Variants in ADAM22 observed in about 807,000 individuals in gnomAD.
The protein encoded by ADAM22 is ADAM metallopeptidase domain 22.
Under a neutral mutation model 144.6 loss-of-function variants are expected in ADAM22, and 65 were observed. The ratio of observed to expected loss-of-function variants is 0.45; its 90% CI spans 0.37 to 0.55. The LOEUF is 0.55. Ranked by LOEUF, ADAM22 falls within the 20% of genes least tolerant of loss-of-function variation. The pLI is 0.00. For missense variants in ADAM22, 974 were observed against 1,184.9 expected (o/e 0.82, Z 2.61); for synonymous variants, 391 against 412.6 (o/e 0.95, Z 0.63).
At chr7:87,981,850 T>C (rs1394387269) in intron 3 of ADAM22, among the ~76,000 whole-genome samples, 1 of 139,500 alleles carries the variant, frequency 7.2e-6, no homozygotes, top group African/African-American at 2.7e-5. Flanking sequence ...AACATTATAA[T>C]TAAATGATGA....
chr7:88,109,213 T>A (rs1318450218), intron 5 of ADAM22, among the ~76,000 whole-genome samples: 1 of 152,168 alleles, frequency 6.6e-6, no homozygotes, highest in Admixed American at 6.5e-5. Context: ...GTCTGTCGTT[T>A]CTCAGAGATC....
intron 3 of ADAM22, among the ~76,000 whole-genome samples, chr7:88,061,259 A>T (rs773167529): frequency 1.3e-5 from 2 of 152,316 alleles, no homozygotes; most frequent in Middle Eastern, 3.4e-3. Context: ...ACCATCCATG[A>T]TGGTCAAAAT....
intron 7 of ADAM22, among the ~76,000 whole-genome samples, chr7:88,121,736 C>T (rs1035688613): frequency 1.1e-4 from 17 of 152,124 alleles, no homozygotes; most frequent in African/African-American, 4.1e-4. Flanking sequence ...AGACAGTATG[C>T]CTAAGACGGA....
intron 3 of ADAM22, among the ~76,000 whole-genome samples, chr7:88,070,202 G>C (rs1320436072): frequency 6.6e-6 from 1 of 152,052 alleles, no homozygotes; most frequent in Non-Finnish European, 1.5e-5. Flanking sequence ...AGATCTTTTT[G>C]AGATAGGTCC....
chr7:88,113,919 A>C (rs1199241997), intron 5 of ADAM22, among the ~76,000 whole-genome samples: 1 of 151,216 alleles, frequency 6.6e-6, no homozygotes, highest in Non-Finnish European at 1.5e-5. Context: ...TCGTGGTCCC[A>C]TCTGTCTGGG....
At chr7:87,966,621 A>G (rs1033326369) in intron 2 of ADAM22, among the ~76,000 whole-genome samples, 1 of 151,592 alleles carries the variant, frequency 6.6e-6, no homozygotes, top group Non-Finnish European at 1.5e-5. Context: ...CAGCCAGGGA[A>G]TCACAAGAGT....
chr7:87,976,149 G>A (rs1851845169), intron 2 of ADAM22, among the ~76,000 whole-genome samples: 1 of 152,212 alleles, frequency 6.6e-6, no homozygotes, highest in Admixed American at 6.5e-5. Context: ...AGGTCTTGAT[G>A]TGATATTGAC....
intron 25 of ADAM22, among the ~76,000 whole-genome samples, chr7:88,169,018 T>A (rs1843596135): frequency 6.6e-6 from 1 of 152,164 alleles, no homozygotes; most frequent in African/African-American, 2.4e-5. Flanking sequence ...TTAATATATG[T>A]CAAACACTCA....
chr7:87,962,859 C>T (rs1220668334), intron 2 of ADAM22, among the ~76,000 whole-genome samples: 1 of 151,948 alleles, frequency 6.6e-6, no homozygotes, highest in Non-Finnish European at 1.5e-5. Context: ...TAAATAATGC[C>T]CAGGATCATT....
At chr7:88,147,220 C>T (rs1836770333) in intron 17 of ADAM22, among the ~76,000 whole-genome samples, 1 of 152,056 alleles carries the variant, frequency 6.6e-6, no homozygotes. Context: ...TCTTTTTTGC[C>T]ACTTTCTTTA....
chr7:87,957,500 C>G (rs955698932), intron 2 of ADAM22, among the ~76,000 whole-genome samples: 1 of 151,908 alleles, frequency 6.6e-6, no homozygotes, highest in African/African-American at 2.4e-5. Flanking sequence ...GCTCTCTTGC[C>G]CTTCTGTTTT....
chr7:87,950,463 T>C (rs1420827499), intron 2 of ADAM22, among the ~76,000 whole-genome samples: 1 of 149,134 alleles, frequency 6.7e-6, no homozygotes, highest in Non-Finnish European at 1.5e-5. Flanking sequence ...ACAAAGGACA[T>C]GAACTCATCA....
intron 4 of ADAM22, among the ~76,000 whole-genome samples, chr7:88,093,008 T>C (rs750478609): frequency 3.3e-5 from 5 of 152,218 alleles, no homozygotes; most frequent in Non-Finnish European, 5.9e-5. Context: ...ATGTTCAAGA[T>C]GTTATCTATA....
In ADAM22 at chr7:88,200,735, T is replaced by A. The variant is rs528733119; in HGVS notation, c.*4244T>A. 2.6e-5 allele frequency: 4 copies of A among 152,364 alleles called. No homozygotes were observed. The highest frequency in any genetic ancestry group is 9.6e-5 in the African/African-American group (4 of 41,580). The allele number at this position is 152,364 out of a possible 1,614,324, so 9.4% of individuals were successfully genotyped here. On this transcript the variant is annotated 3_prime_UTR_variant, in exon 32 of 32. Coordinates refer to ENST00000413139, the MANE Select transcript of ADAM22 (RefSeq NM_001324418.2). ...GATGTATAAGAAGTAAACACTTCCGTGGAATAGGGCTTAATTTGGGGCTCA... is the reference window on the plus strand; with the variant it reads ...GATGTATAAGAAGTAAACACTTCCGAGGAATAGGGCTTAATTTGGGGCTCA...
At chr7:88,056,200 C>T (rs1310679639) in intron 3 of ADAM22, among the ~76,000 whole-genome samples, 1 of 152,160 alleles carries the variant, frequency 6.6e-6, no homozygotes, top group Non-Finnish European at 1.5e-5. Flanking sequence ...CTTCTCCATC[C>T]TCTTTACTTC....
chr7:88,192,764 TA>T (rs1306647722), intron 30 of ADAM22, among the ~76,000 whole-genome samples: 1 of 152,198 alleles, frequency 6.6e-6, no homozygotes, highest in Non-Finnish European at 1.5e-5. Context: ...TAAGGCACAA[TA>T]TTAATATTTT....
intron 3 of ADAM22, among the ~76,000 whole-genome samples, chr7:88,023,113 G>T (rs1053302566): frequency 3.9e-5 from 6 of 152,072 alleles, no homozygotes; most frequent in Non-Finnish European, 7.4e-5. Flanking sequence ...TTGTTTCGTG[G>T]TCTTCTCTTC....
chr7:88,103,661 G>T (rs1823561300), intron 4 of ADAM22, among the ~76,000 whole-genome samples: 1 of 152,210 alleles, frequency 6.6e-6, no homozygotes, highest in African/African-American at 2.4e-5. Context: ...GCTATGACTG[G>T]CTGTCTGATA....
intron 3 of ADAM22, among the ~76,000 whole-genome samples, chr7:87,989,665 C>T (rs759161154): frequency 6.6e-6 from 1 of 152,204 alleles, no homozygotes; most frequent in Admixed American, 6.5e-5. Context: ...CCTATAATCC[C>T]AGCACTTTGG....
Sources: allele counts gnomAD v4.1 joint callset (sites outside exome capture counted in the v4.1 genomes callset), GRCh38; gene constraint gnomAD v4.1.1; transcripts MANE v1.5; gene names NCBI Gene and HGNC (gene_info 2026-07-23, HGNC 2026-07-21).